Variants in GRAMD1B observed in about 807,000 individuals in gnomAD.
GRAMD1B encodes GRAM domain containing 1B.
In GRAMD1B, 37 loss-of-function variants were observed where a neutral mutation model predicts 99.7. The observed-to-expected ratio is 0.37, with a 90% confidence interval of 0.29 to 0.49. GRAMD1B has a LOEUF of 0.49. Ranked by LOEUF, GRAMD1B falls within the 20% of genes least tolerant of loss-of-function variation. The probability of loss-of-function intolerance (pLI) is 0.98; values close to 1 mark genes in which losing one functional copy is unlikely to be tolerated. For synonymous variants in GRAMD1B, 427 were observed against 387.6 expected, an observed-to-expected ratio of 1.10 and a Z score of -1.19; for missense variants, 888 against 1,009.2, an observed-to-expected ratio of 0.88 and a Z score of 1.63.
upstream of GRAMD1B, among the ~76,000 whole-genome samples, chr11:123,428,697 T>C (rs1948739909): frequency 6.6e-6 from 1 of 152,238 alleles, no homozygotes; most frequent in African/African-American, 2.4e-5. Flanking sequence ...TGTATTTACT[T>C]GCAGTGAATT....
rs1938716585 is a variant in GRAMD1B at position 123,492,852 on chromosome 11, T to A, written c.452+11959T>A. ...TCAATCCTCTCTCTCTCTCTGTCTC[T>A]CTCTTTCACACATACACACACACAC... On this transcript the variant is annotated intron_variant, in intron 2 of 19. Coordinates refer to ENST00000635736, the MANE Select transcript of GRAMD1B (RefSeq NM_001387025.1). The surrounding 1 kb of genome is among the most constrained non-coding windows in gnomAD (Gnocchi z 4.2). Among the ~76,000 whole-genome samples the A allele has an allele frequency of 4.4e-5, 5 of 114,778 alleles. No individual in the cohort carries two copies. The highest frequency in any genetic ancestry group is 8.7e-5 in the African/African-American group (2 of 23,008). 75.3% of individuals were successfully genotyped at this position (114,778 alleles called of 152,430 possible).
chr11:123,515,149 G>A (rs1941554519), intron 2 of GRAMD1B, among the ~76,000 whole-genome samples: 1 of 152,204 alleles, frequency 6.6e-6, no homozygotes, highest in African/African-American at 2.4e-5. Flanking sequence ...TGAATCGTTG[G>A]TTTCTGACTG....
intron 4 of GRAMD1B, among the ~76,000 whole-genome samples, chr11:123,590,176 T>C (rs1950506668): frequency 6.6e-6 from 1 of 152,278 alleles, no homozygotes; most frequent in Admixed American, 6.5e-5. Flanking sequence ...GAAGGTTGTA[T>C]AGGGTCCATG....
chr11:123,373,519 G>A (rs2135744843), intron 1 of GRAMD1B, among the ~76,000 whole-genome samples: 1 of 152,306 alleles, frequency 6.6e-6, no homozygotes, highest in Admixed American at 6.5e-5. Context: ...GATGTTTATT[G>A]ATGCAGAAAC....
chr11:123,533,893 A>T (rs1173573056), intron 2 of GRAMD1B, among the ~76,000 whole-genome samples: 1 of 152,264 alleles, frequency 6.6e-6, no homozygotes, highest in Non-Finnish European at 1.5e-5. Context: ...TTTAGAGTCC[A>T]TGCTCTTAAC....
chr11:123,593,855 C>T (rs1950951054), intron 4 of GRAMD1B, among the ~76,000 whole-genome samples: 1 of 152,138 alleles, frequency 6.6e-6, no homozygotes, highest in Admixed American at 6.5e-5. Flanking sequence ...TGGCATTTCT[C>T]ACTGGTGGAG....
chr11:123,614,367 T>C (rs1954048682), intron 16 of GRAMD1B, among the ~76,000 whole-genome samples: 1 of 152,194 alleles, frequency 6.6e-6, no homozygotes, highest in South Asian at 2.1e-4. Flanking sequence ...TCAGAGAGCT[T>C]ACATGACTTG....
At chr11:123,568,984 T>C (rs776358306) in intron 2 of GRAMD1B, among the ~76,000 whole-genome samples, 1 of 152,110 alleles carries the variant, frequency 6.6e-6, no homozygotes. Flanking sequence ...CCCAGTCCCA[T>C]CCAGCATCCT....
intron 1 of GRAMD1B, among the ~76,000 whole-genome samples, chr11:123,457,084 C>G (rs1305034516): frequency 1.5e-5 from 1 of 67,578 alleles, no homozygotes; most frequent in Non-Finnish European, 3.1e-5. Context: ...TGCACTCTAA[C>G]CTGGGTGACA....
chr11:123,515,878 C>T (rs901870512), intron 2 of GRAMD1B, among the ~76,000 whole-genome samples: 2 of 152,140 alleles, frequency 1.3e-5, no homozygotes, highest in Non-Finnish European at 2.9e-5. Flanking sequence ...AGCAATCCTC[C>T]TGCCTCAGCC....
At chr11:123,413,103 C>T (rs781702485) in intron 1 of GRAMD1B, among the ~76,000 whole-genome samples, 1 of 152,148 alleles carries the variant, frequency 6.6e-6, no homozygotes, top group Non-Finnish European at 1.5e-5. Context: ...TTTTACTTTA[C>T]AAGTGCTGCA....
At chr11:123,489,100 GC>G (rs534382742) in intron 2 of GRAMD1B, among the ~76,000 whole-genome samples, 106 of 152,106 alleles carry the variant, frequency 7.0e-4, no homozygotes, top group Admixed American at 6.3e-3. Flanking sequence ...CACCCAGGGA[GC>G]CTGTCCATTT....
At chr11:123,390,051 C>T (rs1048625240) in intron 1 of GRAMD1B, among the ~76,000 whole-genome samples, 6 of 151,594 alleles carry the variant, frequency 4.0e-5, no homozygotes, top group African/African-American at 1.2e-4. Context: ...GCCACTGCAC[C>T]TGGCCACAGC....
intron 1 of GRAMD1B, among the ~76,000 whole-genome samples, chr11:123,432,974 C>A (rs1156874341): frequency 6.6e-6 from 1 of 152,158 alleles, no homozygotes; most frequent in Non-Finnish European, 1.5e-5. Context: ...GATAGAAGTT[C>A]TTTCTGTTTG....
At chr11:123,488,324 G>A (rs1043415641) in intron 2 of GRAMD1B, among the ~76,000 whole-genome samples, 5 of 152,148 alleles carry the variant, frequency 3.3e-5, no homozygotes, top group African/African-American at 7.2e-5. Context: ...AATCACACCT[G>A]GGAGGTGTTC....
chr11:123,529,448 A>G (rs1943127965), intron 2 of GRAMD1B, among the ~76,000 whole-genome samples: 1 of 152,206 alleles, frequency 6.6e-6, no homozygotes, highest in Admixed American at 6.5e-5. Flanking sequence ...ACTTTGAGAT[A>G]GAAATCTCCC....
At chr11:123,389,886 C>T (rs1022358857) in intron 1 of GRAMD1B, among the ~76,000 whole-genome samples, 2 of 151,994 alleles carry the variant, frequency 1.3e-5, no homozygotes, top group Non-Finnish European at 2.9e-5. Flanking sequence ...GCTGTGATTA[C>T]TGGGATTACA....
At chr11:123,598,050 C>T (rs546859778) in intron 7 of GRAMD1B, 130 of 1,395,676 alleles carry the variant, frequency 9.3e-5, no homozygotes, top group Non-Finnish European at 1.3e-4. Context: ...CATTCTGAAG[C>T]CTTCTGCAAT....
chr11:123,433,609 G>A (rs1949008100), intron 1 of GRAMD1B, among the ~76,000 whole-genome samples: 1 of 152,030 alleles, frequency 6.6e-6, no homozygotes, highest in African/African-American at 2.4e-5. Context: ...GGCTATAATG[G>A]TGCCTGTGAA....
Sources: gnomAD v4.1 joint callset for allele counts (sites outside exome capture counted in the v4.1 genomes callset) on GRCh38, gnomAD v4.1.1 for gene constraint, Gnocchi (gnomAD v3.1) non-coding constraint, MANE v1.5 for transcripts, NCBI Gene and HGNC (gene_info 2026-07-23, HGNC 2026-07-21) for gene names.